The following CNTNAP2 variants were observed in gnomAD, a reference collection of about 807,000 sequenced individuals.
CNTNAP2 encodes the protein contactin associated protein 2.
CNTNAP2 carries 98 observed loss-of-function variants against 155.2 expected under a neutral mutation model. The ratio of observed to expected loss-of-function variants is 0.63; its 90% CI spans 0.54 to 0.75. The LOEUF is 0.75. Ranked by LOEUF, CNTNAP2 falls within the 30% of genes least tolerant of loss-of-function variation. CNTNAP2 has a pLI of 0.00. For synonymous variants in CNTNAP2, 651 were observed against 631.2 expected, an observed-to-expected ratio of 1.03 and a Z score of -0.47; for missense variants, 1,727 against 1,688.1, an observed-to-expected ratio of 1.02 and a Z score of -0.40.
intron 16 of CNTNAP2, among the ~76,000 whole-genome samples, chr7:148,141,653 A>T (rs1178054520): frequency 6.6e-6 from 1 of 152,222 alleles, no homozygotes; most frequent in Non-Finnish European, 1.5e-5. Context: ...TGCCTTCCTG[A>T]GGCCAGGACC....
chr7:146,873,904 C>G (rs1562982089), intron 3 of CNTNAP2, among the ~76,000 whole-genome samples: 1 of 152,036 alleles, frequency 6.6e-6, no homozygotes, highest in East Asian at 1.9e-4. Context: ...ATATTATTTA[C>G]AAAGATATTA....
intron 2 of CNTNAP2, among the ~76,000 whole-genome samples, chr7:146,805,592 A>G (rs1350387723): frequency 6.6e-6 from 1 of 152,172 alleles, no homozygotes; most frequent in Non-Finnish European, 1.5e-5. Flanking sequence ...AGCAAGAGGG[A>G]GGGATGGATG....
At chr7:147,092,429 G>A (rs925619559) in intron 4 of CNTNAP2, among the ~76,000 whole-genome samples, 11 of 152,264 alleles carry the variant, frequency 7.2e-5, no homozygotes, top group African/African-American at 2.6e-4. Context: ...CTGAATTTAT[G>A]TTAGAAAGAG....
At chr7:147,056,505 C>T (rs1162916404) in intron 4 of CNTNAP2, among the ~76,000 whole-genome samples, 12 of 152,178 alleles carry the variant, frequency 7.9e-5, no homozygotes, top group Non-Finnish European at 1.8e-4. Context: ...GAGTTGGACT[C>T]TGAACATGGT....
At chr7:147,470,720 A>C (rs1798202426) in intron 10 of CNTNAP2, among the ~76,000 whole-genome samples, 1 of 152,066 alleles carries the variant, frequency 6.6e-6, no homozygotes, top group African/African-American at 2.4e-5. Context: ...TGAGAAGAAA[A>C]ATTTCAGAGG....
At chr7:146,163,299 C>A (rs191180155) in intron 1 of CNTNAP2, among the ~76,000 whole-genome samples, 2 of 151,514 alleles carry the variant, frequency 1.3e-5, no homozygotes. Context: ...GTGAGCCAGA[C>A]GAGGTGGCTC....
chr7:147,337,182 G>A (rs1176961715), intron 9 of CNTNAP2, among the ~76,000 whole-genome samples: 1 of 152,088 alleles, frequency 6.6e-6, no homozygotes, highest in African/African-American at 2.4e-5. Context: ...CTCACAGATA[G>A]GTAGCAAAAG....
intron 9 of CNTNAP2, among the ~76,000 whole-genome samples, chr7:147,362,811 A>G (rs1044141984): frequency 1.3e-5 from 2 of 152,192 alleles, no homozygotes; most frequent in African/African-American, 2.4e-5. Flanking sequence ...CTAAATGGAT[A>G]AAGAATTACT....
chr7:147,606,588 G>A (rs1436551259), intron 12 of CNTNAP2, among the ~76,000 whole-genome samples: 2 of 152,126 alleles, frequency 1.3e-5, no homozygotes, highest in Admixed American at 6.6e-5. Flanking sequence ...GACCACTAGA[G>A]TACCAATACC....
At chr7:148,051,180 C>T (rs1802882693) in intron 15 of CNTNAP2, among the ~76,000 whole-genome samples, 1 of 152,162 alleles carries the variant, frequency 6.6e-6, no homozygotes, top group Non-Finnish European at 1.5e-5. Flanking sequence ...AATCAAACTA[C>T]TATCAAATCT....
At chr7:148,029,771 T>C (rs185525421) in intron 15 of CNTNAP2, among the ~76,000 whole-genome samples, 3 of 152,334 alleles carry the variant, frequency 2.0e-5, no homozygotes, top group South Asian at 2.1e-4. Flanking sequence ...TCTTAGTGCT[T>C]AGCTCTGTGA....
At chr7:147,798,694 T>C (rs553643589) in intron 13 of CNTNAP2, among the ~76,000 whole-genome samples, 6 of 152,336 alleles carry the variant, frequency 3.9e-5, no homozygotes, top group African/African-American at 1.4e-4. Flanking sequence ...ACACACTCAT[T>C]CCTAAATCCT....
At chr7:147,371,714 T>C (rs1796339949) in intron 9 of CNTNAP2, among the ~76,000 whole-genome samples, 1 of 152,162 alleles carries the variant, frequency 6.6e-6, no homozygotes, top group South Asian at 2.1e-4. Context: ...TTGTAAGAAA[T>C]AGAGGGCTCA....
intron 15 of CNTNAP2, among the ~76,000 whole-genome samples, chr7:148,029,016 A>G (rs1321194302): frequency 6.6e-6 from 1 of 152,116 alleles, no homozygotes; most frequent in East Asian, 1.9e-4. Flanking sequence ...CAAAATTTCC[A>G]TTTTTCATTA....
chr7:146,970,552 C>G (rs1015447025), intron 3 of CNTNAP2, among the ~76,000 whole-genome samples: 1 of 152,082 alleles, frequency 6.6e-6, no homozygotes, highest in Non-Finnish European at 1.5e-5. Flanking sequence ...AATAAAAAGT[C>G]AGGAAACAAC....
intron 13 of CNTNAP2, among the ~76,000 whole-genome samples, chr7:147,693,975 T>G (rs1263374582): frequency 6.6e-6 from 1 of 152,052 alleles, no homozygotes; most frequent in Non-Finnish European, 1.5e-5. Context: ...TAGCCGTAGA[T>G]TTTTTGTGAA....
rs1458841920 is a variant in CNTNAP2 at position 148,071,322 on chromosome 7, C to CA, written c.2384-46787dup. On this transcript the variant is annotated intron_variant, in intron 15 of 23. Coordinates refer to ENST00000361727, the MANE Select transcript of CNTNAP2 (RefSeq NM_014141.6). ...TGAGACCCCGTCTCTACTAAAAATA[C>CA]AAAAAAAAATTGCTGGGCATAGCAG... Among the ~76,000 whole-genome samples, 889 of 151,356 alleles carry CA rather than the reference C, an allele frequency of 5.9e-3. 12 individuals carry two copies. The highest frequency in any genetic ancestry group is 0.021 in the African/African-American group (853 of 41,306).
chr7:147,880,483 C>G (rs1799500776), intron 13 of CNTNAP2, among the ~76,000 whole-genome samples: 1 of 151,872 alleles, frequency 6.6e-6, no homozygotes, highest in Non-Finnish European at 1.5e-5. Flanking sequence ...TTTAAACGTA[C>G]AAATGAGTGA....
At chr7:147,088,278 C>A (rs528689552) in intron 4 of CNTNAP2, among the ~76,000 whole-genome samples, 14 of 152,174 alleles carry the variant, frequency 9.2e-5, no homozygotes, top group African/African-American at 3.1e-4. Flanking sequence ...GGAATAATGA[C>A]CCTTTAATAG....
Sources: gnomAD v4.1 joint callset for allele counts (sites outside exome capture counted in the v4.1 genomes callset) on GRCh38, gnomAD v4.1.1 for gene constraint, MANE v1.5 for transcripts, NCBI Gene and HGNC (gene_info 2026-07-23, HGNC 2026-07-21) for gene names.